The following SLC4A4 variants were observed in gnomAD, a reference collection of about 807,000 sequenced individuals.
SLC4A4 encodes the protein solute carrier family 4 member 4.
SLC4A4 carries 27 observed loss-of-function variants against 111.5 expected under a neutral mutation model. The observed-to-expected ratio is 0.24, with a 90% CI of 0.18 to 0.33. The LOEUF is 0.33. SLC4A4 is among the 10% of genes least tolerant of loss of function. The probability of loss-of-function intolerance (pLI) is 1.00; values close to 1 mark genes in which losing one functional copy is unlikely to be tolerated. For synonymous variants in SLC4A4, 443 were observed against 463.4 expected (o/e 0.96, Z 0.57); for missense variants, 909 against 1,315.5 (o/e 0.69, Z 4.78).
intron 12 of SLC4A4, among the ~76,000 whole-genome samples, chr4:71,456,272 C>A (rs1031597423): frequency 2.0e-5 from 3 of 152,112 alleles, no homozygotes; most frequent in African/African-American, 7.2e-5. Context: ...TTGGCAATAT[C>A]TTTCTCCTAG....
chr4:71,087,363 A>T (rs1206360399), intron 1 of SLC4A4, among the ~76,000 whole-genome samples: 2 of 151,690 alleles, frequency 1.3e-5, no homozygotes, highest in Non-Finnish European at 2.9e-5. Flanking sequence ...CAGCTCCTGG[A>T]TTCATTGATT....
chr4:71,536,384 T>C (rs1326764200), intron 18 of SLC4A4, among the ~76,000 whole-genome samples: 1 of 145,892 alleles, frequency 6.9e-6, no homozygotes, highest in East Asian at 2.0e-4. Flanking sequence ...ACATTTGTAC[T>C]GAAAAATTTG....
At chr4:71,308,221 A>G (rs887049166) in intron 3 of SLC4A4, among the ~76,000 whole-genome samples, 3 of 152,208 alleles carry the variant, frequency 2.0e-5, no homozygotes, top group Non-Finnish European at 2.9e-5. Context: ...TTGTTCTGTT[A>G]TAGACCCTAA....
At chr4:71,095,147 T>G (rs1742504782) in intron 2 of SLC4A4, among the ~76,000 whole-genome samples, 1 of 152,108 alleles carries the variant, frequency 6.6e-6, no homozygotes. Context: ...TTTGGAAAAC[T>G]TGAATCTCTT....
intron 6 of SLC4A4, among the ~76,000 whole-genome samples, chr4:71,386,467 G>A (rs1030760508): frequency 3.9e-5 from 6 of 151,938 alleles, no homozygotes; most frequent in African/African-American, 1.5e-4. Flanking sequence ...ATCAGATATT[G>A]GGGTTCCTGG....
intron 16 of SLC4A4, among the ~76,000 whole-genome samples, chr4:71,527,756 T>C (rs1433207768): frequency 6.6e-6 from 1 of 151,980 alleles, no homozygotes; most frequent in Admixed American, 6.6e-5. Flanking sequence ...TCCTTCAGTA[T>C]ATATAAAAAA....
chr4:71,521,096 A>C (rs1049819905), intron 16 of SLC4A4, among the ~76,000 whole-genome samples: 1 of 152,164 alleles, frequency 6.6e-6, no homozygotes, highest in Non-Finnish European at 1.5e-5. Flanking sequence ...GCTCAAGTTA[A>C]GATAATGTGA....
Position 71,519,071 on chromosome 4 carries a change from T to G in SLC4A4, c.2167-12991T>G, listed in dbSNP as rs138547139. On this transcript the variant is annotated intron_variant, in intron 16 of 25. Coordinates refer to ENST00000264485, the MANE Select transcript of SLC4A4 (RefSeq NM_001098484.3). ...AAACTGTCCTTCCTACCTTCTTCAA[T>G]GTGTCTTTTCTTATTTCTATGTTAA... Among the ~76,000 whole-genome samples the G allele has an allele frequency of 3.7e-3, 561 of 152,304 alleles. 9 individuals carry two copies. The highest frequency in any genetic ancestry group is 0.029 in the Admixed American group (447 of 15,302).
chr4:71,312,438 C>T (rs1032221838), intron 3 of SLC4A4, among the ~76,000 whole-genome samples: 1 of 152,192 alleles, frequency 6.6e-6, no homozygotes, highest in Admixed American at 6.5e-5. Flanking sequence ...CAGCATCATC[C>T]TGATTCGAAA....
intron 6 of SLC4A4, among the ~76,000 whole-genome samples, chr4:71,380,818 C>G (rs1156749905): frequency 6.6e-6 from 1 of 152,170 alleles, no homozygotes; most frequent in Non-Finnish European, 1.5e-5. Flanking sequence ...CTTGTTCTCT[C>G]TACTCTCAGG....
At chr4:71,435,908 A>G (rs1166021259) in intron 7 of SLC4A4, among the ~76,000 whole-genome samples, 1 of 152,234 alleles carries the variant, frequency 6.6e-6, no homozygotes, top group African/African-American at 2.4e-5. Context: ...TCAGGAAACA[A>G]CAGGTGCTGG....
chr4:71,396,808 C>T (rs1041558373), intron 6 of SLC4A4, among the ~76,000 whole-genome samples: 10 of 152,094 alleles, frequency 6.6e-5, no homozygotes, highest in Non-Finnish European at 1.0e-4. Context: ...CACCGGTGAA[C>T]CATATTGACA....
intron 24 of SLC4A4, 138 bp downstream of exon 24, chr4:71,564,027 A>G: frequency 1.5e-6 from 1 of 658,446 alleles, no homozygotes; most frequent in Non-Finnish European, 2.7e-6. Context: ...ACACTTAATT[A>G]TAATAAAACT....
chr4:71,498,419 G>T (rs1326537878), intron 16 of SLC4A4, among the ~76,000 whole-genome samples: 1 of 152,072 alleles, frequency 6.6e-6, no homozygotes, highest in Admixed American at 6.6e-5. Flanking sequence ...TTAGTGTTTA[G>T]GATGTCAGTA....
intron 2 of SLC4A4, among the ~76,000 whole-genome samples, chr4:71,131,323 A>G (rs1743696606): frequency 6.6e-6 from 1 of 152,184 alleles, no homozygotes; most frequent in Non-Finnish European, 1.5e-5. Context: ...TTCTTTTATA[A>G]CAGCAGAGGT....
At chr4:71,447,497 C>A in intron 8 of SLC4A4, 149 bp from the exon 9 acceptor site, 1 of 684,746 alleles carries the variant, frequency 1.5e-6, no homozygotes, top group Non-Finnish European at 2.7e-6. Context: ...AGAGTATATT[C>A]TGTACTACCA....
At chr4:71,183,741 CA>C (rs1745372563), upstream of SLC4A4, among the ~76,000 whole-genome samples, 1 of 152,184 alleles carries the variant, frequency 6.6e-6, no homozygotes, top group Non-Finnish European at 1.5e-5. Context: ...CAAGTCCAAA[CA>C]AATATCAGCA....
chr4:71,192,451 T>A (rs758444524), intron 1 of SLC4A4, among the ~76,000 whole-genome samples: 3 of 152,140 alleles, frequency 2.0e-5, no homozygotes, highest in Non-Finnish European at 4.4e-5. Context: ...TAGCAAACAG[T>A]AAACTACAAA....
intron 2 of SLC4A4, among the ~76,000 whole-genome samples, chr4:71,237,233 T>C (rs952600273): frequency 6.6e-6 from 1 of 152,248 alleles, no homozygotes; most frequent in Non-Finnish European, 1.5e-5. Context: ...AGAAGAGTTA[T>C]GTTTTACCTG....
Sources: allele counts gnomAD v4.1 joint callset (sites outside exome capture counted in the v4.1 genomes callset), GRCh38; gene constraint gnomAD v4.1.1; transcripts MANE v1.5; gene names NCBI Gene and HGNC (gene_info 2026-07-23, HGNC 2026-07-21).